The following SLC2A9 variants were observed in gnomAD, a reference collection of about 807,000 sequenced individuals.
SLC2A9 encodes solute carrier family 2, facilitated glucose transporter member 9.
In SLC2A9, 39 loss-of-function variants were observed where a neutral mutation model predicts 50.6. That is an observed-to-expected ratio of 0.77 (90% CI 0.60 to 1.01). SLC2A9 has a LOEUF of 1.01. Among genes scored for constraint, SLC2A9 ranks in the 50% least tolerant of loss-of-function variants. The probability of loss-of-function intolerance (pLI) is 0.00; values close to 1 mark genes in which losing one functional copy is unlikely to be tolerated. For missense variants in SLC2A9, 686 were observed against 677.6 expected, an observed-to-expected ratio of 1.01 and a Z score of -0.14; for synonymous variants, 324 against 276.9, an observed-to-expected ratio of 1.17 and a Z score of -1.69.
intron 8 of SLC2A9, among the ~76,000 whole-genome samples, chr4:9,892,413 A>G (rs957254937): frequency 3.2e-4 from 48 of 152,312 alleles, no homozygotes; most frequent in African/African-American, 1.1e-3. Flanking sequence ...TGCTTAGGGA[A>G]GAAGGGCAGA....
At chr4:9,814,996 G>T (rs902775561) in intron 3 of SLC2A9, among the ~76,000 whole-genome samples, 1 of 152,112 alleles carries the variant, frequency 6.6e-6, no homozygotes, top group Non-Finnish European at 1.5e-5. Context: ...AGACAGAGAG[G>T]TCCTGTGGTG....
intron 11 of SLC2A9, among the ~76,000 whole-genome samples, chr4:9,831,486 C>G (rs1001261792): frequency 1.3e-5 from 2 of 152,166 alleles, no homozygotes; most frequent in African/African-American, 2.4e-5. Flanking sequence ...TATAACTCTA[C>G]TTGTTATCAC....
chr4:9,826,434 G>C lies in SLC2A9; in HGVS notation c.1586C>G (p.Ser529Ter), dbSNP rs760553957. 3 of 1,614,090 alleles carry C rather than the reference G, an allele frequency of 1.9e-6. No homozygotes were observed. The South Asian group carries it at 3.3e-5, about 18-fold the overall frequency. ...ATTTATCTTACCATCAGTGACAGCT[G>C]AGTCGATTTTCTCTTCTGGTGGGTA... ...KAYPPEEKID[S>*]AVTDGKINGR... Residue 529 changes from serine (S) to a stop codon, truncating the protein, a stop_gained, in exon 12 of 12, where the codon TCA (serine) becomes TGA (stop). Transcript: ENST00000264784. LOFTEE classifies it low-confidence loss of function (END_TRUNC).
chr4:9,815,093 C>T (rs1723390600), intron 3 of SLC2A9, among the ~76,000 whole-genome samples: 4 of 152,136 alleles, frequency 2.6e-5, no homozygotes, highest in Admixed American at 2.6e-4. Context: ...ATATTTACTT[C>T]ATGGGTTGTC....
chr4:9,832,899 C>A (rs1577439102), intron 11 of SLC2A9, among the ~76,000 whole-genome samples: 1 of 152,094 alleles, frequency 6.6e-6, no homozygotes, highest in Admixed American at 6.5e-5. Flanking sequence ...CTGTGGCAGG[C>A]AAGCAAGGTC....
chr4:9,949,046 C>A (rs192678271), intron 5 of SLC2A9, among the ~76,000 whole-genome samples: 2 of 152,336 alleles, frequency 1.3e-5, no homozygotes, highest in African/African-American at 4.8e-5. Flanking sequence ...AGCAAGAACC[C>A]CTTTCTGCAG....
At chr4:9,900,458 T>C (rs959086998) in intron 8 of SLC2A9, among the ~76,000 whole-genome samples, 2 of 152,090 alleles carry the variant, frequency 1.3e-5, no homozygotes, top group Admixed American at 1.3e-4. Flanking sequence ...TTAAAAGATA[T>C]TATTCAGAGC....
chr4:9,866,064 G>T (rs1294803970), intron 10 of SLC2A9, among the ~76,000 whole-genome samples: 2 of 152,160 alleles, frequency 1.3e-5, no homozygotes, highest in Non-Finnish European at 2.9e-5. Context: ...GGAGGGACTT[G>T]TGGCATGGGG....
chr4:9,931,962 C>CTCTCTCTCTATATATATA (rs1560329576), intron 6 of SLC2A9, among the ~76,000 whole-genome samples: 1 of 14,588 alleles, frequency 6.9e-5, no homozygotes, highest in Non-Finnish European at 1.1e-4. Context: ...CTCTCTCTCT[C>CTCTCTCTCTATATATATA]TATATATATA....
intron 5 of SLC2A9, among the ~76,000 whole-genome samples, chr4:9,946,981 C>A (rs1223513769): frequency 6.6e-6 from 1 of 152,176 alleles, no homozygotes. Flanking sequence ...ATCTCCCATA[C>A]CCCTTCCTCC....
intron 1 of SLC2A9, among the ~76,000 whole-genome samples, chr4:10,027,991 G>C (rs1763810726): frequency 6.6e-6 from 1 of 152,094 alleles, no homozygotes; most frequent in African/African-American, 2.4e-5. Flanking sequence ...GCTGTTTTCT[G>C]CACACTTCCA....
downstream of SLC2A9, among the ~76,000 whole-genome samples, chr4:9,794,156 T>TTG (rs1447828013): frequency 3.3e-5 from 5 of 151,876 alleles, no homozygotes; most frequent in African/African-American, 7.2e-5. Context: ...TTCCTTTTTT[T>TTG]TGTGTGTGTG....
intron 8 of SLC2A9, among the ~76,000 whole-genome samples, chr4:9,897,772 C>T (rs1013842644): frequency 6.6e-6 from 1 of 152,034 alleles, no homozygotes; most frequent in African/African-American, 2.4e-5. Context: ...TGCCTGTAAT[C>T]GCAGCTACAC....
chr4:9,978,050 T>C (rs1056592042), intron 5 of SLC2A9, among the ~76,000 whole-genome samples: 1 of 152,220 alleles, frequency 6.6e-6, no homozygotes, highest in Non-Finnish European at 1.5e-5. Flanking sequence ...CACGGTGTCC[T>C]AGGATATGCT....
At position 9,834,998 on chromosome 4, in the gene SLC2A9, C is replaced by A. The variant is rs556085300; in HGVS notation, c.1302G>T (p.Pro434=). The change falls in exon 11 of 12, where the codon CCG becomes CCT. Residue 434 remains proline, a synonymous_variant. Transcript: ENST00000264784. ...ASFCSGPGGI[P]FILTGEFFQQ... ...GGAAGAACTCACCAGTCAAGATGAA[C>A]GGGATGCCACCTGCAGTGTGTGAGC... 11 of 1,613,396 alleles carry A rather than the reference C, an allele frequency of 6.8e-6. No homozygotes were observed. The highest frequency in any genetic ancestry group is 1.3e-5 in the African/African-American group (1 of 75,012).
At chr4:9,971,949 T>G (rs925888819) in intron 5 of SLC2A9, among the ~76,000 whole-genome samples, 5 of 152,230 alleles carry the variant, frequency 3.3e-5, no homozygotes, top group African/African-American at 1.2e-4. Context: ...GCCACCCTTG[T>G]TACTGATCCT....
chr4:10,033,175 G>A (rs1318756547), intron 1 of SLC2A9, among the ~76,000 whole-genome samples: 1 of 152,184 alleles, frequency 6.6e-6, no homozygotes, highest in African/African-American at 2.4e-5. Flanking sequence ...TTGCTCGAGT[G>A]TGTTATGTGG....
chr4:10,017,474 GC>G (rs1451680266), intron 2 of SLC2A9, among the ~76,000 whole-genome samples: 1 of 152,180 alleles, frequency 6.6e-6, no homozygotes, highest in African/African-American at 2.4e-5. Flanking sequence ...AGCCATCTAG[GC>G]CCCCTGGTTT....
chr4:9,774,536 C>T (rs939787311), intron 1 of SLC2A9, among the ~76,000 whole-genome samples: 2 of 152,152 alleles, frequency 1.3e-5, no homozygotes, highest in Non-Finnish European at 2.9e-5. Context: ...TGTTCTCATG[C>T]CACTGCTGAA....
Sources: gnomAD v4.1 joint callset for allele counts (sites outside exome capture counted in the v4.1 genomes callset) on GRCh38, gnomAD v4.1.1 for gene constraint, MANE v1.5 for transcripts, NCBI Gene and HGNC (gene_info 2026-07-23, HGNC 2026-07-21) for gene names.